The following EXOC1 variants were observed in gnomAD, a reference collection of about 807,000 sequenced individuals.
EXOC1 encodes exocyst complex component 1.
In EXOC1, 67 loss-of-function variants were observed where a neutral mutation model predicts 107.7. The observed-to-expected ratio is 0.62, with a 90% CI of 0.51 to 0.76. The LOEUF (loss-of-function observed/expected upper bound fraction) is 0.76, where lower values mean the gene tolerates loss of function less well. EXOC1 is among the 30% of genes least tolerant of loss of function. The pLI is 0.00. For synonymous variants in EXOC1, 348 were observed against 353.5 expected (o/e 0.98, Z 0.17); for missense variants, 833 against 1,055.7 (o/e 0.79, Z 2.92).
chr4:55,874,271 T>C (rs949976134), intron 8 of EXOC1, among the ~76,000 whole-genome samples: 6 of 152,176 alleles, frequency 3.9e-5, no homozygotes, highest in African/African-American at 1.4e-4. Context: ...GCATTGATTC[T>C]CAGTCTTTTT....
chr4:55,888,162 TAATA>T lies in EXOC1; in HGVS notation c.1331-721_1331-718del, dbSNP rs1577744272. 2.0e-5 allele frequency among the ~76,000 whole-genome samples: 3 copies of T among 152,226 alleles called. No homozygotes were observed. The East Asian group carries it at 5.8e-4, about 29-fold the overall frequency. ...TGCAAAATTAGCTCTCATATTGATC[TAATA>T]AATATTATAGAGAGAGAAGTTTTAG... On this transcript the variant is annotated intron_variant, in intron 10 of 18. Coordinates refer to ENST00000381295, the MANE Select transcript of EXOC1 (RefSeq NM_001024924.2).
intron 10 of EXOC1, among the ~76,000 whole-genome samples, chr4:55,888,330 G>A (rs1724126378): frequency 6.6e-6 from 1 of 152,114 alleles, no homozygotes; most frequent in African/African-American, 2.4e-5. Context: ...CACAAAGCCA[G>A]TGATTAAGTA....
chr4:55,895,907 G>A (rs1001445467), intron 15 of EXOC1, among the ~76,000 whole-genome samples: 9 of 152,162 alleles, frequency 5.9e-5, no homozygotes, highest in African/African-American at 2.2e-4. Flanking sequence ...TAGAGAGTTT[G>A]TCTATCCAGA....
chr4:55,877,075 AT>A (rs1389643212), intron 8 of EXOC1: 2 of 977,868 alleles, frequency 2.0e-6, no homozygotes, highest in African/African-American at 3.5e-5. Flanking sequence ...TATTTTGTGT[AT>A]ATAGTACAGT....
chr4:55,864,091 C>G, intron 3 of EXOC1, 136 bp from the exon 4 acceptor site: 1 of 607,120 alleles, frequency 1.6e-6, no homozygotes. Context: ...TCTCCAAACT[C>G]TTCCTTTCCA....
At chr4:55,855,296 G>A (rs923255587) in intron 1 of EXOC1, among the ~76,000 whole-genome samples, 1 of 152,116 alleles carries the variant, frequency 6.6e-6, no homozygotes, top group African/African-American at 2.4e-5. Context: ...CGAAAAGAAA[G>A]GAATAAATTA....
At chr4:55,904,296 C>T (rs1726369282) in intron 18 of EXOC1, 47 bp from the exon 19 acceptor site, 1 of 1,529,904 alleles carries the variant, frequency 6.5e-7, no homozygotes, top group Non-Finnish European at 8.8e-7. Flanking sequence ...TACTAGATTA[C>T]ATATTATTTC....
At chr4:55,862,624 A>G (rs927632565) in intron 3 of EXOC1, among the ~76,000 whole-genome samples, 5 of 152,156 alleles carry the variant, frequency 3.3e-5, no homozygotes, top group African/African-American at 1.2e-4. Flanking sequence ...AATTCTGTTT[A>G]TTAAGCTATA....
intron 9 of EXOC1, chr4:55,882,964 TAC>T (rs1723546532): frequency 6.6e-6 from 1 of 152,166 alleles, no homozygotes; most frequent in African/African-American, 2.4e-5. Flanking sequence ...TGGAAAAATA[TAC>T]AGTCTCCCAC....
chr4:55,875,672 A>G (rs1443138625), intron 8 of EXOC1: 1 of 985,070 alleles, frequency 1.0e-6, no homozygotes, highest in Non-Finnish European at 1.2e-6. Context: ...ATTGTTTTGG[A>G]TAACGATACA....
rs1238194526 is a variant in EXOC1 at position 55,890,302 on chromosome 4, C to T, written c.1455C>T (p.Arg485=). ...NKLSVQSSGN[R]RSQSSSLLDM... Reference sequence around the variant, plus strand: ...TCAGTGTTCAGAGTTCAGGGAATCGCAGATCTCAGTCATCTTCCCTGTTGG... The same window carrying T: ...TCAGTGTTCAGAGTTCAGGGAATCGTAGATCTCAGTCATCTTCCCTGTTGG... Residue 485 remains arginine, a synonymous_variant, in exon 12 of 19, where the codon CGC becomes CGT. Transcript: ENST00000381295. 1 of 1,613,838 alleles carries T rather than the reference C, an allele frequency of 6.2e-7. No individual in the cohort carries two copies. The highest frequency in any genetic ancestry group is 1.3e-5 in the African/African-American group (1 of 74,906).
At chr4:55,879,267 G>A (rs996531621) in intron 9 of EXOC1, among the ~76,000 whole-genome samples, 6 of 152,200 alleles carry the variant, frequency 3.9e-5, no homozygotes, top group African/African-American at 1.4e-4. Flanking sequence ...TAATTATATA[G>A]TATGTTAAAA....
Position 55,864,273 on chromosome 4 carries a change from T to A in EXOC1, c.302T>A (p.Val101Asp). 1 of 1,603,562 alleles carries A rather than the reference T, an allele frequency of 6.2e-7. No individual in the cohort carries two copies. The highest frequency in any genetic ancestry group is 1.1e-5 in the South Asian group (1 of 88,338). The change falls in exon 4 of 19, where the codon GTT becomes GAT. Residue 101 changes from valine (V) to aspartate (D), a missense_variant. Coordinates refer to ENST00000381295, the MANE Select transcript of EXOC1 (RefSeq NM_001024924.2). ...CACTTTGAAAAAATATATAAATGGG[T>A]TGCCAGCAGCACTGCTGAAAAGAAT... ...DLHFEKIYKW[V>D]ASSTAEKNAF...
chr4:55,883,854 A>G lies in EXOC1; in HGVS notation c.1256A>G (p.Glu419Gly). 2 of 1,603,784 alleles carry G rather than the reference A, an allele frequency of 1.2e-6. No individual in the cohort carries two copies. The highest frequency in any genetic ancestry group is 1.1e-5 in the South Asian group (1 of 88,540). The stretch of plus-strand genomic sequence containing the variant: ...ATGGATTATTTATCCCGACTATATG[A>G]AAGAGAAATCAAAGATTTCTTTGAA... ...NYMDYLSRLY[E>G]REIKDFFEVA... is the part of the protein sequence containing the mutation. Residue 419 changes from glutamate (E) to glycine (G), a missense_variant, in exon 10 of 19, where the codon GAA becomes GGA. Coordinates refer to ENST00000381295, the MANE Select transcript of EXOC1 (RefSeq NM_001024924.2).
chr4:55,901,068 C>A (rs564666816), intron 17 of EXOC1, among the ~76,000 whole-genome samples: 1 of 152,246 alleles, frequency 6.6e-6, no homozygotes, highest in African/African-American at 2.4e-5. Flanking sequence ...TAGAGACATT[C>A]CCTCTGAAAT....
intron 13 of EXOC1, 101 bp from the exon 14 acceptor site, chr4:55,892,534 T>C (rs35351886): frequency 0.022 from 19,409 of 883,824 alleles, 329 homozygotes; most frequent in Non-Finnish European, 0.03. Context: ...TCATAATGTA[T>C]TCTTTCCTAG....
chr4:55,892,463 T>C (rs1724672730), intron 13 of EXOC1, among the ~76,000 whole-genome samples, 172 bp from the exon 14 acceptor site: 1 of 152,208 alleles, frequency 6.6e-6, no homozygotes, highest in South Asian at 2.1e-4. Context: ...ATGAACATTC[T>C]TAAATAGCAT....
intron 11 of EXOC1, 53 bp downstream of exon 11, chr4:55,888,985 TC>T: frequency 6.3e-7 from 1 of 1,582,310 alleles, no homozygotes; most frequent in Non-Finnish European, 8.7e-7. Context: ...TTGTTTAATG[TC>T]TAGAAATTAG....
chr4:55,855,451 C>G (rs1720872772), intron 1 of EXOC1, among the ~76,000 whole-genome samples: 2 of 152,136 alleles, frequency 1.3e-5, no homozygotes, highest in Non-Finnish European at 1.5e-5. Flanking sequence ...GGAGCTATAG[C>G]TGTCATGTTA....
Sources: allele counts gnomAD v4.1 joint callset (sites outside exome capture counted in the v4.1 genomes callset), GRCh38; gene constraint gnomAD v4.1.1; transcripts MANE v1.5; gene names NCBI Gene and HGNC (gene_info 2026-07-23, HGNC 2026-07-21).